The following LHX6 variants were observed in gnomAD, a reference collection of about 807,000 sequenced individuals.
The protein encoded by LHX6 is LIM/homeobox protein Lhx6.
In LHX6, 15 loss-of-function variants were observed where a neutral mutation model predicts 47.1. The observed-to-expected ratio is 0.32, with a 90% CI of 0.21 to 0.49. LHX6 has a LOEUF of 0.49. Among genes scored for constraint, LHX6 ranks in the 20% least tolerant of loss-of-function variants. The pLI is 0.99. For synonymous variants in LHX6, 242 were observed against 233.5 expected, an observed-to-expected ratio of 1.04 and a Z score of -0.33; for missense variants, 404 against 539.6, an observed-to-expected ratio of 0.75 and a Z score of 2.49.
rs1830523545 is a variant in LHX6, at chr9:122,214,476, G to C, written c.683-93C>G. On this transcript the variant is annotated intron_variant, in intron 5 of 9. Transcript: ENST00000394319. This position sits in a 1 kb window ranked among gnomAD's most constrained non-coding sequence, Gnocchi z 4.6. Reference sequence around the variant, plus strand: ...GGTGGGGGGAGCTTGTCCCTGGAAGGGTCAGGAGCGGGAGTTGGCTGGGAG... The same window carrying C: ...GGTGGGGGGAGCTTGTCCCTGGAAGCGTCAGGAGCGGGAGTTGGCTGGGAG... 7.1e-7 allele frequency: 1 copy of C among 1,404,518 alleles called. No homozygotes were observed. Among genetic ancestry groups the C allele is most frequent in the South Asian group, 1.6e-5 (1 of 63,990 alleles). The allele number at this position is 1,404,518 out of a possible 1,614,324, so 87.0% of individuals were successfully genotyped here.
intron 4 of LHX6, chr9:122,221,607 T>C (rs996749923): frequency 1.2e-5 from 12 of 985,170 alleles, no homozygotes; most frequent in Admixed American, 6.2e-5. Context: ...AACCCTTTAC[T>C]CCCCACTCCC....
At chr9:122,211,254 T>G (rs1408239253) in intron 8 of LHX6, among the ~76,000 whole-genome samples, 1 of 152,208 alleles carries the variant, frequency 6.6e-6, no homozygotes, top group Non-Finnish European at 1.5e-5. Flanking sequence ...ACTGTGCCCT[T>G]CTGAGCCACA....
chr9:122,216,922 TTCGCCGC>T, intron 5 of LHX6, 139 bp downstream of exon 5: 1 of 652,396 alleles, frequency 1.5e-6, no homozygotes. Flanking sequence ...GCAAGATCTG[TTCGCCGC>T]CCCACCCCTA....
Position 122,213,947 on chromosome 9 carries a change from C to G in LHX6, c.879+27G>C, listed in dbSNP as rs990962128. ...CGAGCTCCGGGGCGTGCCCGCGGTC[C>G]CCAGGCCCCGCCCACCCCCGTCCCA... On this transcript the variant is annotated intron_variant, in intron 7 of 9. Transcript: ENST00000394319. This position sits in a 1 kb window ranked among gnomAD's most constrained non-coding sequence, Gnocchi z 5.5. 8 of 1,499,438 alleles carry G rather than the reference C, an allele frequency of 5.3e-6. No individual in the cohort carries two copies. In the Admixed American group the frequency reaches 8.4e-5, roughly 16 times the overall value. The allele number at this position is 1,499,438 out of a possible 1,614,324, so 92.9% of individuals were successfully genotyped here. A position where few individuals can be genotyped will look rare whatever the true frequency, so the allele number is the denominator to read the frequency against.
At chr9:122,227,122 T>C (rs1337472180) in intron 2 of LHX6, 92 bp from the exon 3 acceptor site, 26 of 1,213,376 alleles carry the variant, frequency 2.1e-5, no homozygotes, top group Non-Finnish European at 2.8e-5. Flanking sequence ...CGAGCACCAA[T>C]TGACAACGAA....
rs752492400 is a variant in LHX6, at chr9:122,213,862, G to C, written c.880-82C>G. On this transcript the variant is annotated intron_variant, in intron 7 of 9. Transcript: ENST00000394319. This position sits in a 1 kb window ranked among gnomAD's most constrained non-coding sequence, Gnocchi z 5.5. ...GGGAGACCCCAGGCGGGACTGCCTC[G>C]TCGCCTCCTGGAGAAGGATGGCCAC... is the stretch of plus-strand genomic sequence containing the variant. 4 of 1,520,812 alleles carry C rather than the reference G, an allele frequency of 2.6e-6. No homozygotes were observed. Among genetic ancestry groups the C allele is most frequent in the Non-Finnish European group, 3.6e-6 (4 of 1,126,290 alleles). 94.2% of individuals were successfully genotyped at this position (1,520,812 alleles called of 1,614,324 possible). A position where few individuals can be genotyped will look rare whatever the true frequency, so the allele number is the denominator to read the frequency against.
intron 5 of LHX6, among the ~76,000 whole-genome samples, chr9:122,216,804 A>G (rs1428495427): frequency 6.6e-6 from 1 of 152,158 alleles, no homozygotes; most frequent in Admixed American, 6.5e-5. Context: ...TAGCTCATCT[A>G]TCTTTGGGAA....
rs747440326 is a variant in LHX6, at chr9:122,227,486, GGA to G, written c.85-8_85-7del. The G allele has an allele frequency of 1.7e-5, 26 of 1,520,090 alleles. No individual in the cohort carries two copies. In the South Asian group the frequency reaches 2.5e-4, roughly 15 times the overall value. 94.2% of individuals were successfully genotyped at this position (1,520,090 alleles called of 1,614,324 possible). ...GACCCTGGCTGGGCCATCACCTGGG[GGA>G]GGGGGGGAGGGAACGCAGGCGGCGG... On this transcript the variant is annotated splice_region_variant and splice_polypyrimidine_tract_variant and intron_variant, in intron 1 of 9. Transcript: ENST00000394319.
chr9:122,206,284 A>G (rs1334773630), intron 9 of LHX6, among the ~76,000 whole-genome samples: 1 of 152,176 alleles, frequency 6.6e-6, no homozygotes, highest in East Asian at 1.9e-4. Flanking sequence ...GAGTGGGTTC[A>G]GGGGCCAGCC....
chr9:122,221,137 G>A (rs1000667744), intron 4 of LHX6: 150 of 985,324 alleles, frequency 1.5e-4, no homozygotes, highest in Non-Finnish European at 1.8e-4. Flanking sequence ...ATCCTGTGAG[G>A]CGAACAAGGT....
At position 122,226,535 on chromosome 9, in the gene LHX6, GGCCTCTTTCACTCCGGGCCCCA is replaced by G; in HGVS notation, c.340-60_340-39del. ...CGGGGACGGAGGTCGGCTCAGCGCG[GGCCTCTTTCACTCCGGGCCCCA>G]GCCTTCCCGGTCTCATTTACAGTCA... On this transcript the variant is annotated intron_variant, in intron 3 of 9. Coordinates refer to ENST00000394319, the MANE Select transcript of LHX6 (RefSeq NM_014368.5). This position sits in a 1 kb window ranked among gnomAD's most constrained non-coding sequence, Gnocchi z 6.5. 6.3e-7 allele frequency: 1 copy of G among 1,599,058 alleles called. No homozygotes were observed. The highest frequency in any genetic ancestry group is 1.1e-5 in the South Asian group (1 of 89,146).
At chr9:122,227,502 C>G in intron 1 of LHX6, 22 bp from the exon 2 acceptor site, 1 of 1,525,314 alleles carries the variant, frequency 6.6e-7, no homozygotes, top group East Asian at 2.5e-5. Context: ...GGGGAGGGAA[C>G]GCAGGCGGCG....
At position 122,213,928 on chromosome 9, in the gene LHX6, C is replaced by G. The variant is rs1268040226; in HGVS notation, c.879+46G>C. On this transcript the variant is annotated intron_variant, in intron 7 of 9. Coordinates refer to ENST00000394319, the MANE Select transcript of LHX6 (RefSeq NM_014368.5). The surrounding 1 kb of genome is among the most constrained non-coding windows in gnomAD (Gnocchi z 5.5). Reference sequence around the variant, plus strand: ...TCCGCGCCGAGCCCAGCTACGAGCTCCGGGGCGTGCCCGCGGTCCCCAGGC... The same window carrying G: ...TCCGCGCCGAGCCCAGCTACGAGCTGCGGGGCGTGCCCGCGGTCCCCAGGC... 1.3e-6 allele frequency: 2 copies of G among 1,546,056 alleles called. No individual in the cohort carries two copies. The highest frequency in any genetic ancestry group is 1.8e-6 in the Non-Finnish European group (2 of 1,134,886).
Position 122,214,486 on chromosome 9 carries a change from G to C in LHX6, c.683-103C>G, listed in dbSNP as rs986660608. ...GCTTGTCCCTGGAAGGGTCAGGAGC[G>C]GGAGTTGGCTGGGAGCAGGGATCCC... On this transcript the variant is annotated intron_variant, in intron 5 of 9. Transcript: ENST00000394319. This position sits in a 1 kb window ranked among gnomAD's most constrained non-coding sequence, Gnocchi z 4.6. 45 of 1,392,042 alleles carry C rather than the reference G, an allele frequency of 3.2e-5. No individual in the cohort carries two copies. The highest frequency in any genetic ancestry group is 4.0e-5 in the Non-Finnish European group (43 of 1,077,080). The allele number at this position is 1,392,042 out of a possible 1,614,324, so 86.2% of individuals were successfully genotyped here. A position where few individuals can be genotyped will look rare whatever the true frequency, so the allele number is the denominator to read the frequency against.
At chr9:122,208,354 C>A (rs1329722758) in intron 9 of LHX6, among the ~76,000 whole-genome samples, 1 of 152,058 alleles carries the variant, frequency 6.6e-6, no homozygotes, top group Non-Finnish European at 1.5e-5. Flanking sequence ...CTCCCCAGCT[C>A]CCATGGCTTC....
In LHX6 at chr9:122,217,460, A is replaced by G. The variant is rs1198393866; in HGVS notation, c.462-172T>C. On this transcript the variant is annotated intron_variant, in intron 4 of 9. Transcript: ENST00000394319. The surrounding 1 kb of genome is among the most constrained non-coding windows in gnomAD (Gnocchi z 4.9). Reference sequence around the variant, plus strand: ...CTCTACACCTAGTCCCACCTAGGAGATGAACTGGTGGGTGATTTTTATTTT... The same window carrying G: ...CTCTACACCTAGTCCCACCTAGGAGGTGAACTGGTGGGTGATTTTTATTTT... Among the ~76,000 whole-genome samples, 1 of 152,230 alleles carries G rather than the reference A, an allele frequency of 6.6e-6. No homozygotes were observed. Among genetic ancestry groups the G allele is most frequent in the Non-Finnish European group, 1.5e-5 (1 of 68,048 alleles).
chr9:122,223,207 A>AG (rs1228881941), intron 4 of LHX6, among the ~76,000 whole-genome samples: 1 of 152,090 alleles, frequency 6.6e-6, no homozygotes, highest in African/African-American at 2.4e-5. Context: ...TTATGCCTGC[A>AG]GGGGGAGAAA....
Position 122,214,094 on chromosome 9 carries a change from G to T in LHX6, c.784-25C>A. ...CCTGCGGGGCGGGGAGGGCGGTGAG[G>T]CGCTCGCACGCAGAGACTCCGAGAC... is the stretch of plus-strand genomic sequence containing the variant. On this transcript the variant is annotated intron_variant, in intron 6 of 9. Transcript: ENST00000394319. This position sits in a 1 kb window ranked among gnomAD's most constrained non-coding sequence, Gnocchi z 4.6. 2 of 1,583,416 alleles carry T rather than the reference G, an allele frequency of 1.3e-6. No individual in the cohort carries two copies. Among genetic ancestry groups the T allele is most frequent in the Non-Finnish European group, 1.7e-6 (2 of 1,168,648 alleles).
At chr9:122,220,534 C>G (rs956706652) in intron 4 of LHX6, among the ~76,000 whole-genome samples, 1 of 152,224 alleles carries the variant, frequency 6.6e-6, no homozygotes, top group Admixed American at 6.5e-5. Context: ...CCAGACACAG[C>G]GAAATCGGCG....
Sources: gnomAD v4.1 joint callset for allele counts (sites outside exome capture counted in the v4.1 genomes callset) on GRCh38, gnomAD v4.1.1 for gene constraint, Gnocchi (gnomAD v3.1) non-coding constraint, MANE v1.5 for transcripts, NCBI Gene and HGNC (gene_info 2026-07-23, HGNC 2026-07-21) for gene names.